The following RNF150 variants were observed in gnomAD, a reference collection of about 807,000 sequenced individuals.
RNF150 encodes the protein ring finger protein 150.
RNF150 carries 24 observed loss-of-function variants against 39.3 expected under a neutral mutation model. The ratio of observed to expected loss-of-function variants is 0.61; its 90% CI spans 0.44 to 0.86. The LOEUF is 0.86. RNF150 is among the 40% of genes least tolerant of loss of function. The pLI, the probability that RNF150 is intolerant of heterozygous loss-of-function variation, is 0.00. For missense variants in RNF150, 502 were observed against 587.8 expected (o/e 0.85, Z 1.51); for synonymous variants, 255 against 227.3 (o/e 1.12, Z -1.10).
At chr4:141,133,802 G>A (rs1442100511), upstream of RNF150, among the ~76,000 whole-genome samples, 2 of 152,132 alleles carry the variant, frequency 1.3e-5, no homozygotes, top group Non-Finnish European at 2.9e-5. Context: ...GTGTAAGGTG[G>A]TTTGGTATTG....
chr4:141,044,041 C>T, intron 1 of RNF150, among the ~76,000 whole-genome samples: 1 of 152,268 alleles, frequency 6.6e-6, no homozygotes, highest in South Asian at 2.1e-4. Flanking sequence ...TAAATGTATT[C>T]TATTGATATC....
chr4:141,047,870 C>T (rs535046297), intron 1 of RNF150, among the ~76,000 whole-genome samples: 1 of 152,186 alleles, frequency 6.6e-6, no homozygotes, highest in South Asian at 2.1e-4. Context: ...TCTCCTGGCA[C>T]TCAAAGATTG....
intron 1 of RNF150, among the ~76,000 whole-genome samples, chr4:141,027,926 G>GTTTTTTTTTTTTTTTTTTTTTTTTTTT (rs61543533): frequency 4.3e-5 from 3 of 69,126 alleles, no homozygotes; most frequent in African/African-American, 5.4e-5. Flanking sequence ...TTTTTTTTTT[G>GTTTTTTTTTTTTTTTTTTTTTTTTTTT]TTTTTTTTTT....
chr4:141,014,283 A>T (rs1468990509), intron 1 of RNF150, among the ~76,000 whole-genome samples: 2 of 152,170 alleles, frequency 1.3e-5, no homozygotes, highest in Non-Finnish European at 2.9e-5. Flanking sequence ...ACTATTTGTG[A>T]ATAAGGCTGC....
chr4:141,023,072 A>C (rs1410555387), intron 1 of RNF150, among the ~76,000 whole-genome samples: 1 of 152,142 alleles, frequency 6.6e-6, no homozygotes, highest in East Asian at 1.9e-4. Context: ...AATGAGAGAA[A>C]ATTTGAGTGT....
At chr4:141,042,408 G>T (rs547115293) in intron 1 of RNF150, among the ~76,000 whole-genome samples, 1 of 152,026 alleles carries the variant, frequency 6.6e-6, no homozygotes, top group Admixed American at 6.6e-5. Flanking sequence ...TATTCTGAAA[G>T]TTCTCTGAGG....
In RNF150 at chr4:141,132,764, T is replaced by TAAC; in HGVS notation, c.44_45insGTT (p.Ser15_Thr16insLeu). ...CGAAACAAAAGGAAAGCAGCCATGT[T>TAAC]GAGAGAGCCAGACTGCAGCACGCTT... On this transcript the variant is annotated inframe_insertion, in exon 1 of 7. Coordinates refer to ENST00000515673, the MANE Select transcript of RNF150 (RefSeq NM_020724.2). The surrounding 1 kb of genome is among the most constrained non-coding windows in gnomAD (Gnocchi z 4.9). 1 of 1,610,304 alleles carries TAAC rather than the reference T, an allele frequency of 6.2e-7. No individual in the cohort carries two copies. Among genetic ancestry groups the TAAC allele is most frequent in the Non-Finnish European group, 8.5e-7 (1 of 1,178,514 alleles).
At chr4:140,945,726 T>C (rs1478464649) in intron 4 of RNF150, among the ~76,000 whole-genome samples, 2 of 151,456 alleles carry the variant, frequency 1.3e-5, no homozygotes, top group Non-Finnish European at 2.9e-5. Flanking sequence ...AGTAATGCTA[T>C]GTATATAATT....
chr4:141,124,722 C>T (rs1259298063), intron 1 of RNF150, among the ~76,000 whole-genome samples: 1 of 152,136 alleles, frequency 6.6e-6, no homozygotes, highest in African/African-American at 2.4e-5. Flanking sequence ...GTGGAATCTG[C>T]CCATAAAAAG....
At chr4:141,195,043 A>G (rs1728176458) in intron 1 of RNF150, among the ~76,000 whole-genome samples, 1 of 152,052 alleles carries the variant, frequency 6.6e-6, no homozygotes, top group Non-Finnish European at 1.5e-5. Flanking sequence ...AGGAAACATG[A>G]AATATAAGGC....
chr4:141,118,712 C>T (rs1726511707), intron 1 of RNF150, among the ~76,000 whole-genome samples: 3 of 152,136 alleles, frequency 2.0e-5, no homozygotes, highest in African/African-American at 7.2e-5. Flanking sequence ...AACCACCAAT[C>T]ATGGGCTAAA....
intron 1 of RNF150, among the ~76,000 whole-genome samples, chr4:141,036,673 T>C (rs1248527771): frequency 6.6e-6 from 1 of 152,170 alleles, no homozygotes; most frequent in Non-Finnish European, 1.5e-5. Context: ...ATTAGGTGTT[T>C]AGTAGATTGG....
At chr4:140,932,409 T>C (rs1200080225) in intron 4 of RNF150, among the ~76,000 whole-genome samples, 2 of 152,182 alleles carry the variant, frequency 1.3e-5, no homozygotes, top group African/African-American at 2.4e-5. Context: ...TAGAAATTAT[T>C]ATTTCTGTCT....
intron 1 of RNF150, among the ~76,000 whole-genome samples, chr4:141,001,302 T>G (rs1734660022): frequency 6.6e-6 from 1 of 152,052 alleles, no homozygotes; most frequent in South Asian, 2.1e-4. Context: ...TATGTATACC[T>G]CTCTTCTTCA....
At chr4:140,981,743 G>T (rs1403193764) in intron 1 of RNF150, among the ~76,000 whole-genome samples, 1 of 152,150 alleles carries the variant, frequency 6.6e-6, no homozygotes. Flanking sequence ...AGGTTATAGT[G>T]CATTGTATTT....
intron 1 of RNF150, among the ~76,000 whole-genome samples, chr4:141,167,222 G>A (rs1277017118): frequency 6.6e-6 from 1 of 151,976 alleles, no homozygotes; most frequent in Non-Finnish European, 1.5e-5. Context: ...AAATACCTAG[G>A]AAATACAACT....
At chr4:141,131,524 T>A (rs747567847) in intron 1 of RNF150, among the ~76,000 whole-genome samples, 3 of 152,180 alleles carry the variant, frequency 2.0e-5, no homozygotes, top group Non-Finnish European at 2.9e-5. Flanking sequence ...GCATATGCGG[T>A]ATTGAGTTTT....
rs557668284 is a variant in RNF150 at position 141,091,091 on chromosome 4, T to C, written c.484+41234A>G. On this transcript the variant is annotated intron_variant, in intron 1 of 6. Transcript: ENST00000515673. Reference sequence around the variant, plus strand: ...GAATAGAGGCAAATAGTAAAGGCGATTGAGGTCTAGTTTCTGGAGTCAGGG... The same window carrying C: ...GAATAGAGGCAAATAGTAAAGGCGACTGAGGTCTAGTTTCTGGAGTCAGGG... 5.3e-5 allele frequency among the ~76,000 whole-genome samples: 8 copies of C among 152,294 alleles called. No individual in the cohort carries two copies. The East Asian group carries it at 7.7e-4, about 15-fold the overall frequency.
intron 6 of RNF150, among the ~76,000 whole-genome samples, chr4:140,900,565 G>A (rs1406826102): frequency 6.6e-6 from 1 of 152,136 alleles, no homozygotes; most frequent in Non-Finnish European, 1.5e-5. Context: ...AATTGAAGAC[G>A]AGCAAGGTGA....
Sources: gnomAD v4.1 joint callset for allele counts (sites outside exome capture counted in the v4.1 genomes callset) on GRCh38, gnomAD v4.1.1 for gene constraint, Gnocchi (gnomAD v3.1) non-coding constraint, MANE v1.5 for transcripts, NCBI Gene and HGNC (gene_info 2026-07-23, HGNC 2026-07-21) for gene names.